Variants in SAMSN1 observed in about 807,000 individuals in gnomAD.
SAMSN1 encodes the protein SAM domain, SH3 domain and nuclear localization signals 1.
In SAMSN1, 31 loss-of-function variants were observed where a neutral mutation model predicts 42.0. The ratio of observed to expected loss-of-function variants is 0.74; its 90% CI spans 0.55 to 1.00. The LOEUF (loss-of-function observed/expected upper bound fraction) is 1.00, where lower values mean the gene tolerates loss of function less well. Among genes scored for constraint, SAMSN1 ranks in the 50% least tolerant of loss-of-function variants. The pLI is 0.00. For synonymous variants in SAMSN1, 178 were observed against 151.9 expected, an observed-to-expected ratio of 1.17 and a Z score of -1.26; for missense variants, 464 against 439.4, an observed-to-expected ratio of 1.06 and a Z score of -0.50.
intron 2 of SAMSN1, among the ~76,000 whole-genome samples, chr21:14,579,092 T>C (rs1255931056): frequency 6.6e-6 from 1 of 152,196 alleles, no homozygotes; most frequent in Non-Finnish European, 1.5e-5. Flanking sequence ...AGAATATATG[T>C]GTAGAATACA....
chr21:14,527,524 G>A (rs1978941967), intron 1 of SAMSN1, among the ~76,000 whole-genome samples: 1 of 152,190 alleles, frequency 6.6e-6, no homozygotes, highest in South Asian at 2.1e-4. Flanking sequence ...TATTTTCAAC[G>A]TACATCTGGA....
intron 2 of SAMSN1, among the ~76,000 whole-genome samples, chr21:14,628,009 C>A (rs1983228791): frequency 6.6e-6 from 1 of 152,012 alleles, no homozygotes; most frequent in Admixed American, 6.6e-5. Flanking sequence ...TGCTCTAGTC[C>A]AGCAATAGAC....
In SAMSN1 at chr21:14,602,970, C is replaced by T. The variant is rs548938107; in HGVS notation, c.323-871G>A. Reference sequence around the variant, plus strand: ...CTATAGTTAAAAGATATGTTAAATTCACAGCTCAGTCTCAAAGTTATTTGC... The same window carrying T: ...CTATAGTTAAAAGATATGTTAAATTTACAGCTCAGTCTCAAAGTTATTTGC... On this transcript the variant is annotated intron_variant, in intron 5 of 15. Transcript: ENST00000647101. Among the ~76,000 whole-genome samples, 15 of 152,290 alleles carry T rather than the reference C, an allele frequency of 9.8e-5. 1 individual carries two copies. The South Asian group carries it at 3.1e-3, about 32-fold the overall frequency.
chr21:14,649,772 AACACACACACACACACACAC>A (rs60905314), intron 1 of SAMSN1, among the ~76,000 whole-genome samples: 1 of 135,644 alleles, frequency 7.4e-6, no homozygotes, highest in African/African-American at 3.0e-5. Context: ...ACTGTCTCAA[AACACACACACACACACACAC>A]ACACACACAC....
intron 2 of SAMSN1, among the ~76,000 whole-genome samples, chr21:14,581,344 C>CTTGTTTT (rs1981715193): frequency 6.1e-5 from 2 of 32,588 alleles, no homozygotes; most frequent in South Asian, 2.2e-3. Flanking sequence ...AATAATATTT[C>CTTGTTTT]TTTTTTTTTT....
At chr21:14,505,849 C>T (rs1364856390) in intron 5 of SAMSN1, among the ~76,000 whole-genome samples, 1 of 152,046 alleles carries the variant, frequency 6.6e-6, no homozygotes, top group East Asian at 1.9e-4. Context: ...TATGATAGGA[C>T]ATAAAATGAA....
intron 1 of SAMSN1, among the ~76,000 whole-genome samples, chr21:14,540,826 A>G (rs1268046794): frequency 2.0e-5 from 3 of 152,244 alleles, no homozygotes; most frequent in African/African-American, 7.2e-5. Flanking sequence ...ATAAAGACAC[A>G]TGCACATGTA....
chr21:14,577,284 A>ATATATATT (rs1460040142), intron 2 of SAMSN1, among the ~76,000 whole-genome samples: 26 of 53,838 alleles, frequency 4.8e-4, no homozygotes, highest in South Asian at 1.9e-3. Context: ...ATATATATAT[A>ATATATATT]TTTTTTTTTT....
intron 1 of SAMSN1, among the ~76,000 whole-genome samples, chr21:14,539,112 G>A (rs76740403): frequency 0.012 from 1,847 of 152,184 alleles, 26 homozygotes; most frequent in African/African-American, 0.042. Flanking sequence ...GTAACAATGG[G>A]ATTCTTTCAT....
intron 2 of SAMSN1, among the ~76,000 whole-genome samples, chr21:14,639,041 A>G (rs1373733616): frequency 2.6e-5 from 4 of 152,222 alleles, no homozygotes; most frequent in Non-Finnish European, 4.4e-5. Flanking sequence ...CCTTTGACCC[A>G]CATTTAAGCA....
intron 1 of SAMSN1, among the ~76,000 whole-genome samples, chr21:14,649,286 G>T (rs879378807): frequency 5.4e-5 from 7 of 129,342 alleles, no homozygotes; most frequent in East Asian, 5.6e-4. Context: ...GTGGGGGGAG[G>T]GGGGGAGGGA....
Position 14,485,811 on chromosome 21 carries a change from A to T in SAMSN1, c.*101T>A. ...TTAAAACATTTAAACTTTAGGTTTT[A>T]TTTACAAATATTTATCTTATCTTCC... On this transcript the variant is annotated 3_prime_UTR_variant, in exon 8 of 8. Coordinates refer to ENST00000400566, the MANE Select transcript of SAMSN1 (RefSeq NM_022136.5). 1 of 926,326 alleles carries T rather than the reference A, an allele frequency of 1.1e-6. No individual in the cohort carries two copies. Among genetic ancestry groups the T allele is most frequent in the Non-Finnish European group, 1.7e-6 (1 of 590,234 alleles). The allele number at this position is 926,326 out of a possible 1,614,324, so 57.4% of individuals were successfully genotyped here.
upstream of SAMSN1, among the ~76,000 whole-genome samples, chr21:14,548,576 T>C (rs1980503521): frequency 6.6e-6 from 1 of 152,030 alleles, no homozygotes; most frequent in Non-Finnish European, 1.5e-5. Flanking sequence ...GTAAACAAAA[T>C]AAATATTTTC....
intron 7 of SAMSN1, among the ~76,000 whole-genome samples, chr21:14,589,026 T>G (rs1407089184): frequency 6.6e-6 from 1 of 152,178 alleles, no homozygotes; most frequent in Non-Finnish European, 1.5e-5. Context: ...CAGAAATATC[T>G]TTTAGTTCAT....
In SAMSN1 at chr21:14,593,884, C is replaced by T. The variant is rs1440795598; in HGVS notation, c.465+129G>A. The T allele has an allele frequency of 7.1e-6, 4 of 564,118 alleles. No individual in the cohort carries two copies. The East Asian group carries it at 8.5e-5, about 12-fold the overall frequency. The allele number at this position is 564,118 out of a possible 1,614,324, so 34.9% of individuals were successfully genotyped here. On this transcript the variant is annotated intron_variant, in intron 7 of 15. Transcript: ENST00000647101. ...AGCCTCTATTTATGTTCTTTAGAAA[C>T]ACTTCCATGTGGCAGCTGAAAACAG...
chr21:14,581,344 CTT>C (rs56728511), intron 2 of SAMSN1, among the ~76,000 whole-genome samples: 110 of 32,554 alleles, frequency 3.4e-3, no homozygotes, highest in South Asian at 6.6e-3. Flanking sequence ...AATAATATTT[CTT>C]TTTTTTTTTT....
At chr21:14,599,534 T>A (rs1423089793) in intron 6 of SAMSN1, among the ~76,000 whole-genome samples, 1 of 152,198 alleles carries the variant, frequency 6.6e-6, no homozygotes, top group Non-Finnish European at 1.5e-5. Flanking sequence ...GAGAGAGGAC[T>A]AATACATGGG....
At chr21:14,534,540 C>G (rs920617028) in intron 1 of SAMSN1, among the ~76,000 whole-genome samples, 1 of 147,494 alleles carries the variant, frequency 6.8e-6, no homozygotes, top group Non-Finnish European at 1.5e-5. Context: ...TTTTTTGAGA[C>G]GGAGTCTCGC....
At chr21:14,636,404 A>G (rs1159946498) in intron 2 of SAMSN1, among the ~76,000 whole-genome samples, 3 of 152,146 alleles carry the variant, frequency 2.0e-5, no homozygotes. Flanking sequence ...CTGCCACCGC[A>G]CACACTTGTG....
Sources: allele counts gnomAD v4.1 joint callset (sites outside exome capture counted in the v4.1 genomes callset), GRCh38; gene constraint gnomAD v4.1.1; transcripts MANE v1.5; gene names NCBI Gene and HGNC (gene_info 2026-07-23, HGNC 2026-07-21).